The following PLCG2 variants were observed in gnomAD, a reference collection of about 807,000 sequenced individuals.
PLCG2 encodes the protein 1-phosphatidylinositol 4,5-bisphosphate phosphodiesterase gamma-2.
Under a neutral mutation model 175.6 loss-of-function variants are expected in PLCG2, and 69 were observed. That is an observed-to-expected ratio of 0.39 (90% CI 0.32 to 0.48). The LOEUF is 0.48. Ranked by LOEUF, PLCG2 falls within the 20% of genes least tolerant of loss-of-function variation. The pLI is 0.91. For synonymous variants in PLCG2, 827 were observed against 624.0 expected (o/e 1.33, Z -4.85); for missense variants, 1,798 against 1,650.9 (o/e 1.09, Z -1.54).
chr16:81,798,204 G>C (rs935029711), intron 2 of PLCG2, among the ~76,000 whole-genome samples: 1 of 152,190 alleles, frequency 6.6e-6, no homozygotes. Context: ...GGAGGATTCA[G>C]TTTGTAAGTG....
chr16:81,772,201 A>G (rs753711480), intron 2 of PLCG2, among the ~76,000 whole-genome samples: 2 of 152,130 alleles, frequency 1.3e-5, no homozygotes, highest in Non-Finnish European at 2.9e-5. Flanking sequence ...GGAGAGGGGT[A>G]TTTGAGACAG....
intron 9 of PLCG2, among the ~76,000 whole-genome samples, chr16:81,883,969 G>A (rs1345271726): frequency 6.6e-6 from 1 of 152,202 alleles, no homozygotes; most frequent in African/African-American, 2.4e-5. Flanking sequence ...CACAGCGGGA[G>A]GCTGCTGCCG....
intron 22 of PLCG2, among the ~76,000 whole-genome samples, chr16:81,926,298 TGTG>T (rs1222363024): frequency 2.6e-5 from 4 of 152,146 alleles, no homozygotes; most frequent in African/African-American, 9.7e-5. Context: ...GGAGCCATCA[TGTG>T]GTGTGGTCAG....
chr16:81,778,016 C>CAAAAAAAAAAAAAACAAAAA (rs1910484674), upstream of PLCG2, among the ~76,000 whole-genome samples: 1 of 49,082 alleles, frequency 2.0e-5, no homozygotes, highest in Non-Finnish European at 3.5e-5. Context: ...GACTTTGTCT[C>CAAAAAAAAAAAAAACAAAAA]AAAAAAAAAA....
intron 1 of PLCG2, chr16:81,740,278 C>G (rs965145632): frequency 6.6e-6 from 1 of 152,150 alleles, no homozygotes; most frequent in African/African-American, 2.4e-5. Context: ...TTCAGTGGGG[C>G]TGTCGACCAC....
chr16:81,861,632 C>G (rs8044333), intron 5 of PLCG2, among the ~76,000 whole-genome samples: 5,862 of 152,244 alleles, frequency 0.039, 382 homozygotes, highest in African/African-American at 0.13. Context: ...AGATTTGGTA[C>G]ACACTGGTCT....
chr16:81,935,405 T>A (rs1379631833), intron 26 of PLCG2: 5 of 326,716 alleles, frequency 1.5e-5, no homozygotes, highest in African/African-American at 1.1e-4. Flanking sequence ...TATTAGGGCC[T>A]GGACATCTTT....
At position 81,910,654 on chromosome 16, in the gene PLCG2, G is replaced by A. The variant is rs1909580178; in HGVS notation, c.1868G>A (p.Arg623His). 2 of 1,613,782 alleles carry A rather than the reference G, an allele frequency of 1.2e-6. No homozygotes were observed. Among genetic ancestry groups the A allele is most frequent in the Non-Finnish European group, 1.7e-6 (2 of 1,179,998 alleles). Reference sequence around the variant, plus strand: ...CAGCACTACCGCGAGACGCACCTGCGCTGCGCCGAGTTCGAGCTGCGGCTC... The same window carrying A: ...CAGCACTACCGCGAGACGCACCTGCACTGCGCCGAGTTCGAGCTGCGGCTC... The part of the protein sequence containing the change: ...LIQHYRETHL[R>H]CAEFELRLTD... Residue 623 changes from arginine to histidine, a missense_variant, in exon 18 of 33, where the codon CGC becomes CAC. Transcript: ENST00000564138.
At chr16:81,814,890 A>C (rs1904475858) in intron 2 of PLCG2, among the ~76,000 whole-genome samples, 1 of 152,166 alleles carries the variant, frequency 6.6e-6, no homozygotes, top group African/African-American at 2.4e-5. Context: ...ATAAAGATTA[A>C]ATGAGCCAAT....
At chr16:81,866,678 C>T (rs113181624) in intron 5 of PLCG2, among the ~76,000 whole-genome samples, 6 of 133,082 alleles carry the variant, frequency 4.5e-5, no homozygotes, top group Admixed American at 1.5e-4. Flanking sequence ...CGTGAGAGGA[C>T]GCTGGCCTCT....
At chr16:81,844,449 G>T (rs1906006415) in intron 2 of PLCG2, among the ~76,000 whole-genome samples, 1 of 152,276 alleles carries the variant, frequency 6.6e-6, no homozygotes, top group Admixed American at 6.5e-5. Flanking sequence ...AGACTTCCTA[G>T]TAACTGCGAT....
chr16:81,937,982 G>A, intron 28 of PLCG2, 79 bp downstream of exon 28: 1 of 1,356,140 alleles, frequency 7.4e-7, no homozygotes, highest in Non-Finnish European at 1.0e-6. Flanking sequence ...TTGAGAGCAG[G>A]GAACCCATGT....
At chr16:81,885,803 G>C (rs978494033) in intron 9 of PLCG2, among the ~76,000 whole-genome samples, 6 of 152,170 alleles carry the variant, frequency 3.9e-5, no homozygotes, top group Admixed American at 1.3e-4. Flanking sequence ...GGAAAGGGTC[G>C]TAGCTACCCT....
intron 31 of PLCG2, among the ~76,000 whole-genome samples, chr16:81,956,453 T>C (rs935453208): frequency 4.6e-5 from 7 of 152,236 alleles, no homozygotes; most frequent in African/African-American, 1.4e-4. Context: ...ATTATTTCAA[T>C]GTTTTGCAAT....
At chr16:81,854,786 G>T (rs913709469) in intron 3 of PLCG2, among the ~76,000 whole-genome samples, 199 bp downstream of exon 3, 10 of 152,172 alleles carry the variant, frequency 6.6e-5, no homozygotes, top group Non-Finnish European at 1.5e-4. Context: ...AGTTTGCTCA[G>T]CTGTGAAATG....
intron 2 of PLCG2, among the ~76,000 whole-genome samples, chr16:81,798,015 G>C (rs1911550822): frequency 6.6e-6 from 1 of 152,034 alleles, no homozygotes; most frequent in African/African-American, 2.4e-5. Flanking sequence ...ATTTTTAGTA[G>C]AGATGGGGTT....
chr16:81,910,926 C>G (rs914384663), intron 18 of PLCG2, among the ~76,000 whole-genome samples: 2 of 152,212 alleles, frequency 1.3e-5, no homozygotes, highest in Non-Finnish European at 2.9e-5. Flanking sequence ...CTTTCCTCCC[C>G]TTTTCTCTTT....
intron 5 of PLCG2, among the ~76,000 whole-genome samples, chr16:81,863,892 G>A (rs561026960): frequency 1.3e-4 from 20 of 152,304 alleles, no homozygotes; most frequent in Admixed American, 3.3e-4. Context: ...AGGTGGGTGA[G>A]TCCATTTATC....
intron 2 of PLCG2, among the ~76,000 whole-genome samples, chr16:81,825,948 C>G (rs1247919972): frequency 1.3e-5 from 2 of 151,996 alleles, no homozygotes; most frequent in Non-Finnish European, 2.9e-5. Context: ...TGGCATTGGA[C>G]CAGAGAAATT....
Sources: allele counts gnomAD v4.1 joint callset (sites outside exome capture counted in the v4.1 genomes callset), GRCh38; gene constraint gnomAD v4.1.1; transcripts MANE v1.5; gene names NCBI Gene and HGNC (gene_info 2026-07-23, HGNC 2026-07-21).